The following NDE1 variants were observed in gnomAD, a reference collection of about 807,000 sequenced individuals.
NDE1 encodes the protein nudE neurodevelopment protein 1.
NDE1 carries 28 observed loss-of-function variants against 43.4 expected under a neutral mutation model. That is an observed-to-expected ratio of 0.65 (90% CI 0.48 to 0.89). The LOEUF (loss-of-function observed/expected upper bound fraction) is 0.89, where lower values mean the gene tolerates loss of function less well. Ranked by LOEUF, NDE1 falls within the 40% of genes least tolerant of loss-of-function variation. The pLI, the probability that NDE1 is intolerant of heterozygous loss-of-function variation, is 0.00. For missense variants in NDE1, 441 were observed against 434.1 expected (o/e 1.02, Z -0.14); for synonymous variants, 184 against 172.0 (o/e 1.07, Z -0.55).
Position 15,688,689 on chromosome 16 carries a change from C to CTTTTTATTTTTT in NDE1, c.523+1183_523+1184insATTTTTTTTTTT, listed in dbSNP as rs1277177970. Among the ~76,000 whole-genome samples the CTTTTTATTTTTT allele has an allele frequency of 1.7e-3, 99 of 59,994 alleles. 2 individuals carry two copies. The highest frequency in any genetic ancestry group is 2.7e-3 in the Admixed American group (10 of 3,668). 39.4% of individuals were successfully genotyped at this position (59,994 alleles called of 152,430 possible). On this transcript the variant is annotated intron_variant, in intron 5 of 8. Coordinates refer to ENST00000396354, the MANE Select transcript of NDE1 (RefSeq NM_017668.3). ...AGTGGATTGTCCAAGTTGTTTTTAC[C>CTTTTTATTTTTT]TTTTTTTTTTTTTTTTTTTTTTTTT...
At chr16:15,655,257 A>G (rs904204216) in intron 1 of NDE1, among the ~76,000 whole-genome samples, 4 of 152,076 alleles carry the variant, frequency 2.6e-5, no homozygotes, top group African/African-American at 4.8e-5. Context: ...GGCTCAAGCA[A>G]TCCACCCACC....
intron 8 of NDE1, chr16:15,720,814 T>C: frequency 1.2e-6 from 2 of 1,611,220 alleles, no homozygotes; most frequent in African/African-American, 1.3e-5. Flanking sequence ...GACCTCCCTC[T>C]GCTGGCCTCC....
chr16:15,705,093 C>T (rs2151162336), intron 8 of NDE1, among the ~76,000 whole-genome samples: 1 of 152,258 alleles, frequency 6.6e-6, no homozygotes, highest in South Asian at 2.1e-4. Flanking sequence ...AGTCCTTGAG[C>T]CTCAGTATTG....
rs71134448 is a variant in NDE1, at chr16:15,681,253, CTTTTTTTTTTTTTTTTT to C, written c.386+3318_386+3334del. 1.5e-3 allele frequency among the ~76,000 whole-genome samples: 47 copies of C among 31,444 alleles called. 2 individuals are homozygous for C. The East Asian group carries it at 0.035, about 23-fold the overall frequency. The allele number at this position is 31,444 out of a possible 152,430, so 20.6% of individuals were successfully genotyped here. ...TTGTGCCAGCACTGTTAAACACTGCCTTTTTTTTTTTTTTTTTTTTTTTTTTTTTTGAGACTGGGCCT... is the reference window on the plus strand; with the variant it reads ...TTGTGCCAGCACTGTTAAACACTGCCTTTTTTTTTTTTTGAGACTGGGCCT... On this transcript the variant is annotated intron_variant, in intron 4 of 8. Transcript: ENST00000396354.
intron 8 of NDE1, chr16:15,714,819 A>G: frequency 6.7e-7 from 1 of 1,492,940 alleles, no homozygotes; most frequent in Non-Finnish European, 9.2e-7. Flanking sequence ...TGTGGGCACA[A>G]GGGGCATTTG....
intron 6 of NDE1, among the ~76,000 whole-genome samples, chr16:15,692,341 C>T (rs1435914015): frequency 6.6e-6 from 1 of 152,188 alleles, no homozygotes; most frequent in East Asian, 1.9e-4. Context: ...CCATCTACTA[C>T]CTTATCCCTT....
At chr16:15,669,781 C>G (rs186711226) in intron 3 of NDE1, among the ~76,000 whole-genome samples, 11 of 152,204 alleles carry the variant, frequency 7.2e-5, no homozygotes, top group Non-Finnish European at 1.2e-4. Context: ...AAGCATGAGT[C>G]ACCCCGCCTG....
intron 8 of NDE1, chr16:15,704,232 A>C: frequency 1.5e-6 from 2 of 1,349,806 alleles, no homozygotes; most frequent in Non-Finnish European, 2.0e-6. Context: ...TGCAATATAA[A>C]TTTTTTTTAT....
intron 1 of NDE1, among the ~76,000 whole-genome samples, chr16:15,663,835 G>A (rs1329601733): frequency 6.6e-6 from 1 of 151,880 alleles, no homozygotes; most frequent in African/African-American, 2.4e-5. Context: ...GGGAGGCTGA[G>A]GTGGGTGGTT....
chr16:15,676,713 G>A (rs1364219228), intron 3 of NDE1, among the ~76,000 whole-genome samples: 1 of 152,136 alleles, frequency 6.6e-6, no homozygotes, highest in Non-Finnish European at 1.5e-5. Context: ...GCCCAGGCCG[G>A]AGTGCAGTGG....
At chr16:15,698,149 A>G (rs1049023258) in intron 8 of NDE1, among the ~76,000 whole-genome samples, 6 of 152,066 alleles carry the variant, frequency 3.9e-5, no homozygotes, top group African/African-American at 1.4e-4. Flanking sequence ...ACTGGCACTA[A>G]CTTCTAGCCC....
intron 7 of NDE1, chr16:15,695,009 C>T (rs2151134821): frequency 2.8e-6 from 2 of 726,038 alleles, no homozygotes; most frequent in South Asian, 1.2e-4. Context: ...CCTGCCCCGA[C>T]TTGGCCTCTA....
chr16:15,650,086 C>G (rs533445092), upstream of NDE1: 3 of 152,942 alleles, frequency 2.0e-5, no homozygotes, highest in Non-Finnish European at 4.4e-5. Flanking sequence ...CGCTTGGCCG[C>G]GCCGCGCCCG....
chr16:15,678,842 C>T (rs1474640890), intron 4 of NDE1, among the ~76,000 whole-genome samples: 3 of 152,012 alleles, frequency 2.0e-5, no homozygotes, highest in African/African-American at 7.2e-5. Context: ...TTTTGGAGGC[C>T]GAGGTGGGCG....
chr16:15,662,743 A>T (rs897083923), intron 1 of NDE1, among the ~76,000 whole-genome samples: 1 of 151,636 alleles, frequency 6.6e-6, no homozygotes, highest in Non-Finnish European at 1.5e-5. Context: ...CAGCTGGCTG[A>T]TATTTTTCTA....
chr16:15,647,927 G>A (rs892739842), upstream of NDE1, among the ~76,000 whole-genome samples: 12 of 151,960 alleles, frequency 7.9e-5, no homozygotes, highest in East Asian at 1.9e-4. Flanking sequence ...TAGCTACTCC[G>A]GAGGATGAGG....
intron 2 of NDE1, among the ~76,000 whole-genome samples, chr16:15,665,825 C>T (rs1016280889): frequency 6.6e-6 from 1 of 150,526 alleles, no homozygotes; most frequent in African/African-American, 2.4e-5. Flanking sequence ...GGCATGATCT[C>T]GGCTCACCAC....
chr16:15,717,586 G>C, intron 8 of NDE1: 1 of 591,588 alleles, frequency 1.7e-6, no homozygotes, highest in Non-Finnish European at 3.0e-6. Context: ...CTTGAGCTCA[G>C]GAGTTCGAGA....
rs139414538 is a variant in NDE1, at chr16:15,721,960, C to T, written c.948-2231C>T. Among the ~76,000 whole-genome samples, 1,098 of 152,170 alleles carry T rather than the reference C, an allele frequency of 7.2e-3. 12 individuals are homozygous for T. Among genetic ancestry groups the T allele is most frequent in the African/African-American group, 0.026 (1,067 of 41,512 alleles). The stretch of plus-strand genomic sequence containing the variant: ...GCAACCTCCGCCTCGTGGGTTCAAG[C>T]GATTCTCCTGCCTCAGCCTCCAGAG... On this transcript the variant is annotated intron_variant, in intron 8 of 8. Transcript: ENST00000396354.
Sources: gnomAD v4.1 joint callset for allele counts (sites outside exome capture counted in the v4.1 genomes callset) on GRCh38, gnomAD v4.1.1 for gene constraint, MANE v1.5 for transcripts, NCBI Gene and HGNC (gene_info 2026-07-23, HGNC 2026-07-21) for gene names.